ADAMTSL1: variants seen among roughly 807,000 people sequenced by gnomAD.
The protein encoded by ADAMTSL1 is ADAMTS-like protein 1.
A neutral mutation model predicts 201.8 loss-of-function variants in ADAMTSL1; 126 were observed. That is an observed-to-expected ratio of 0.62 (90% CI 0.54 to 0.72). The LOEUF (loss-of-function observed/expected upper bound fraction) is 0.72, where lower values mean the gene tolerates loss of function less well. ADAMTSL1 is among the 30% of genes least tolerant of loss of function. The probability of loss-of-function intolerance (pLI) is 0.00; values close to 1 mark genes in which losing one functional copy is unlikely to be tolerated. For missense variants in ADAMTSL1, 2,679 were observed against 2,277.8 expected, an observed-to-expected ratio of 1.18 and a Z score of -3.59; for synonymous variants, 1,121 against 903.4, an observed-to-expected ratio of 1.24 and a Z score of -4.32.
chr9:18,747,945 T>C (rs1192254117), intron 15 of ADAMTSL1, among the ~76,000 whole-genome samples: 1 of 152,152 alleles, frequency 6.6e-6, no homozygotes, highest in Admixed American at 6.5e-5. Flanking sequence ...CCAGGCACAC[T>C]TGAGGCTGGG....
At chr9:18,491,662 T>C (rs987743104) in intron 1 of ADAMTSL1, among the ~76,000 whole-genome samples, 6 of 152,222 alleles carry the variant, frequency 3.9e-5, no homozygotes, top group East Asian at 1.9e-4. Context: ...ATGGTAGTCC[T>C]TCCCATATAT....
At chr9:18,264,895 C>G (rs1190719130) in intron 2 of ADAMTSL1, among the ~76,000 whole-genome samples, 1 of 152,108 alleles carries the variant, frequency 6.6e-6, no homozygotes, top group Non-Finnish European at 1.5e-5. Flanking sequence ...AGTGACTTTA[C>G]CTTGCCAAGC....
intron 1 of ADAMTSL1, among the ~76,000 whole-genome samples, chr9:18,493,966 AGTCCACTTC>A (rs1822392458): frequency 2.0e-5 from 3 of 152,240 alleles, no homozygotes; most frequent in Non-Finnish European, 4.4e-5. Flanking sequence ...AGAAGCACAC[AGTCCACTTC>A]TGGGGATAGA....
intron 26 of ADAMTSL1, among the ~76,000 whole-genome samples, 180 bp downstream of exon 26, chr9:18,892,776 C>CT (rs1829370786): frequency 6.6e-6 from 1 of 152,120 alleles, no homozygotes; most frequent in Admixed American, 6.5e-5. Flanking sequence ...GCTTTTAATT[C>CT]TTTGTGTAAT....
At chr9:18,744,181 C>T (rs572513539) in intron 15 of ADAMTSL1, among the ~76,000 whole-genome samples, 38 of 152,350 alleles carry the variant, frequency 2.5e-4, no homozygotes, top group Non-Finnish European at 4.3e-4. Context: ...CCACAATGCA[C>T]GTTTTCTGAA....
At chr9:18,406,337 T>TTCTTTTCTTC (rs1320560576) in intron 2 of ADAMTSL1, among the ~76,000 whole-genome samples, 1,831 of 109,840 alleles carry the variant, frequency 0.017, 50 homozygotes, top group African/African-American at 0.066. Flanking sequence ...TTCTTTTCTT[T>TTCTTTTCTTC]TCTTTTTTTG....
intron 2 of ADAMTSL1, among the ~76,000 whole-genome samples, chr9:18,516,102 G>GAAAAAA (rs1283338041): frequency 7.7e-6 from 1 of 130,534 alleles, no homozygotes. Context: ...AAAAAAAAAA[G>GAAAAAA]AAAGAAAAAG....
At chr9:18,295,031 C>T (rs1283769203) in intron 2 of ADAMTSL1, among the ~76,000 whole-genome samples, 3 of 152,122 alleles carry the variant, frequency 2.0e-5, no homozygotes, top group Admixed American at 6.5e-5. Context: ...CCCTTCTCCT[C>T]CCAGGCACTC....
intron 1 of ADAMTSL1, among the ~76,000 whole-genome samples, chr9:18,144,987 T>G (rs186740772): frequency 2.0e-4 from 30 of 152,270 alleles, no homozygotes; most frequent in African/African-American, 7.2e-4. Flanking sequence ...GCATAGATAA[T>G]AGAAGTGTCC....
chr9:17,961,423 T>G (rs985262808), intron 1 of ADAMTSL1, among the ~76,000 whole-genome samples: 1 of 151,992 alleles, frequency 6.6e-6, no homozygotes, highest in Non-Finnish European at 1.5e-5. Context: ...TAATTTCGTA[T>G]ATTTTTTAGT....
chr9:18,466,057 A>G (rs1378977036), intron 2 of ADAMTSL1, among the ~76,000 whole-genome samples: 1 of 152,082 alleles, frequency 6.6e-6, no homozygotes, highest in South Asian at 2.1e-4. Flanking sequence ...GGCTTCAAGT[A>G]TCTTATTTAA....
chr9:18,574,536 A>G (rs896005845), intron 4 of ADAMTSL1: 2 of 574,664 alleles, frequency 3.5e-6, no homozygotes, highest in Admixed American at 6.2e-5. Context: ...TTTATCAATT[A>G]TGTACTAGAC....
intron 1 of ADAMTSL1, among the ~76,000 whole-genome samples, chr9:17,952,308 C>G (rs1467881020): frequency 6.6e-6 from 1 of 152,006 alleles, no homozygotes; most frequent in East Asian, 1.9e-4. Context: ...AAATTCCTAC[C>G]CTGAAATAAT....
chr9:18,260,908 T>TC (rs1294639628), intron 2 of ADAMTSL1, among the ~76,000 whole-genome samples: 1 of 152,128 alleles, frequency 6.6e-6, no homozygotes, highest in Non-Finnish European at 1.5e-5. Context: ...CTTCTTTTTT[T>TC]CCTTTCTCTC....
rs548117058 is a variant in ADAMTSL1, at chr9:18,656,047, C to T, written c.835-1592C>T. Among the ~76,000 whole-genome samples, 3 of 152,070 alleles carry T rather than the reference C, an allele frequency of 2.0e-5. No individual in the cohort carries two copies. In the East Asian group the frequency reaches 5.8e-4, roughly 29 times the overall value. On this transcript the variant is annotated intron_variant, in intron 7 of 28. Coordinates refer to ENST00000380548, the MANE Select transcript of ADAMTSL1 (RefSeq NM_001040272.6). ...GAAAATACGTAAATGCTCTACAGGT[C>T]AAAATCCCAGGGTATGAGACATTCT...
chr9:18,356,800 C>CT (rs1452321719), intron 2 of ADAMTSL1, among the ~76,000 whole-genome samples: 2 of 152,146 alleles, frequency 1.3e-5, no homozygotes, highest in African/African-American at 4.8e-5. Context: ...AAACTGCTGA[C>CT]TAGCTTCATA....
intron 1 of ADAMTSL1, among the ~76,000 whole-genome samples, chr9:18,083,259 A>G (rs1823594586): frequency 6.6e-6 from 1 of 152,214 alleles, no homozygotes; most frequent in Non-Finnish European, 1.5e-5. Context: ...GATGGTAAGT[A>G]GGTTCAGACA....
intron 2 of ADAMTSL1, among the ~76,000 whole-genome samples, chr9:18,451,521 A>G (rs933955688): frequency 1.3e-5 from 2 of 152,236 alleles, no homozygotes; most frequent in African/African-American, 4.8e-5. Context: ...CAGAAAAGCT[A>G]TTGCCACTTA....
intron 2 of ADAMTSL1, among the ~76,000 whole-genome samples, chr9:18,180,741 C>T: frequency 6.6e-6 from 1 of 152,116 alleles, no homozygotes; most frequent in Non-Finnish European, 1.5e-5. Flanking sequence ...ATGCCATCCC[C>T]ATCAAGCTAC....
Sources: allele counts gnomAD v4.1 joint callset (sites outside exome capture counted in the v4.1 genomes callset), GRCh38; gene constraint gnomAD v4.1.1; transcripts MANE v1.5; gene names NCBI Gene and HGNC (gene_info 2026-07-23, HGNC 2026-07-21).